PXT1: variants seen among roughly 807,000 people sequenced by gnomAD.
PXT1 encodes the protein peroxisomal testis enriched protein 1.
PXT1 carries 11 observed loss-of-function variants against 11.0 expected under a neutral mutation model. The observed-to-expected ratio is 1.00, with a 90% CI of 0.63 to 1.66. The LOEUF (loss-of-function observed/expected upper bound fraction) is 1.66. PXT1 is among the 40% of genes most tolerant of loss of function. PXT1 has a pLI of 0.00. For synonymous variants in PXT1, 43 were observed against 51.4 expected (o/e 0.84, Z 0.70); for missense variants, 141 against 155.5 (o/e 0.91, Z 0.49).
intron 2 of PXT1, among the ~76,000 whole-genome samples, chr6:36,427,630 A>G (rs911402676): frequency 3.3e-5 from 5 of 152,216 alleles, no homozygotes; most frequent in African/African-American, 1.2e-4. Context: ...ATATATCCCC[A>G]AATAAATCTA....
chr6:36,418,709 G>A (rs571889909), intron 3 of PXT1, among the ~76,000 whole-genome samples: 7 of 152,366 alleles, frequency 4.6e-5, no homozygotes, highest in Non-Finnish European at 1.0e-4. Flanking sequence ...ACCATGGGCA[G>A]CGAGGCTGCA....
intron 2 of PXT1, among the ~76,000 whole-genome samples, chr6:36,430,825 C>T (rs1387574972): frequency 3.3e-5 from 5 of 151,994 alleles, no homozygotes; most frequent in Admixed American, 2.0e-4. Context: ...GACAACGTCT[C>T]GCTCTGTCAC....
chr6:36,403,713 C>CA (rs1365226161), intron 3 of PXT1, among the ~76,000 whole-genome samples: 3 of 152,028 alleles, frequency 2.0e-5, no homozygotes, highest in Admixed American at 1.3e-4. Flanking sequence ...ACCAAAAATA[C>CA]AAAAAATTAG....
intron 4 of PXT1, among the ~76,000 whole-genome samples, chr6:36,395,022 G>C (rs1244745680): frequency 6.6e-6 from 1 of 152,006 alleles, no homozygotes; most frequent in Non-Finnish European, 1.5e-5. Flanking sequence ...AAAAGAGAGA[G>C]AGAGAGACAG....
At chr6:36,403,377 T>C (rs1470771283) in intron 3 of PXT1, among the ~76,000 whole-genome samples, 2 of 152,146 alleles carry the variant, frequency 1.3e-5, no homozygotes, top group Non-Finnish European at 2.9e-5. Context: ...GGAAACAGAT[T>C]ATATATTTAA....
chr6:36,405,513 G>A (rs1278637186), intron 3 of PXT1, among the ~76,000 whole-genome samples: 1 of 152,094 alleles, frequency 6.6e-6, no homozygotes, highest in Non-Finnish European at 1.5e-5. Flanking sequence ...CAAGTGGCTG[G>A]GACTACAGGC....
intron 2 of PXT1, among the ~76,000 whole-genome samples, chr6:36,435,749 T>C (rs1774753259): frequency 6.6e-6 from 1 of 152,078 alleles, no homozygotes; most frequent in Non-Finnish European, 1.5e-5. Flanking sequence ...AAAAAATCAA[T>C]TAAGAACAAA....
At chr6:36,423,371 A>C (rs1327964433) in intron 3 of PXT1, among the ~76,000 whole-genome samples, 2 of 152,286 alleles carry the variant, frequency 1.3e-5, no homozygotes, top group African/African-American at 4.8e-5. Flanking sequence ...ACCAGTGAGA[A>C]CCCCGCTCCC....
intron 4 of PXT1, among the ~76,000 whole-genome samples, chr6:36,394,553 T>A (rs1346757181): frequency 6.6e-6 from 1 of 151,936 alleles, no homozygotes; most frequent in Non-Finnish European, 1.5e-5. Context: ...CTAGACCCGG[T>A]GACAACTCTG....
chr6:36,426,718 G>A (rs1354533693), intron 2 of PXT1, among the ~76,000 whole-genome samples: 1 of 152,050 alleles, frequency 6.6e-6, no homozygotes, highest in Admixed American at 6.5e-5. Flanking sequence ...GTGTAAATTG[G>A]TACACTGAGA....
At chr6:36,429,802 G>T (rs1774666349) in intron 2 of PXT1, among the ~76,000 whole-genome samples, 2 of 151,570 alleles carry the variant, frequency 1.3e-5, no homozygotes, top group Non-Finnish European at 2.9e-5. Flanking sequence ...ACCATGCTGG[G>T]CTAAGTCTTA....
chr6:36,397,429 A>G (rs1011657795), intron 4 of PXT1, among the ~76,000 whole-genome samples: 1 of 152,162 alleles, frequency 6.6e-6, no homozygotes, highest in African/African-American at 2.4e-5. Flanking sequence ...AACAAACAAC[A>G]ACAAAATCCA....
intron 4 of PXT1, 44 bp from the exon 5 acceptor site, chr6:36,391,918 TTTA>T (rs147244815): frequency 0.28 from 291,848 of 1,031,514 alleles, 15,178 homozygotes; most frequent in East Asian, 0.4. Flanking sequence ...TTTTTTTTTT[TTTA>T]AAAGTGATAG....
chr6:36,394,052 C>A (rs1774108107), intron 4 of PXT1, among the ~76,000 whole-genome samples: 1 of 152,216 alleles, frequency 6.6e-6, no homozygotes, highest in Non-Finnish European at 1.5e-5. Flanking sequence ...GGAACTTAGA[C>A]TTTGTCCTGC....
intron 2 of PXT1, among the ~76,000 whole-genome samples, chr6:36,427,834 A>G (rs1296758367): frequency 6.6e-6 from 1 of 152,172 alleles, no homozygotes; most frequent in Non-Finnish European, 1.5e-5. Flanking sequence ...ACTTTACTGG[A>G]CGGCCAGCCA....
At chr6:36,402,045 G>C (rs1364335239) in intron 3 of PXT1, among the ~76,000 whole-genome samples, 1 of 151,568 alleles carries the variant, frequency 6.6e-6, no homozygotes, top group African/African-American at 2.4e-5. Flanking sequence ...TTAAACTCCT[G>C]GGCTCAAGTG....
At chr6:36,412,399 T>C (rs1774387847) in intron 3 of PXT1, among the ~76,000 whole-genome samples, 1 of 149,030 alleles carries the variant, frequency 6.7e-6, no homozygotes, top group Non-Finnish European at 1.5e-5. Context: ...CAGTGGCTCA[T>C]GCCTGTAATC....
intron 3 of PXT1, among the ~76,000 whole-genome samples, chr6:36,416,953 T>C (rs1774457581): frequency 6.6e-6 from 1 of 152,240 alleles, no homozygotes; most frequent in Admixed American, 6.5e-5. Context: ...ATCTTCATCC[T>C]ACAAAATGGG....
intron 3 of PXT1, among the ~76,000 whole-genome samples, chr6:36,424,656 T>TA (rs1056035164): frequency 1.3e-5 from 2 of 150,934 alleles, no homozygotes; most frequent in African/African-American, 4.9e-5. Flanking sequence ...CAAAAACAAA[T>TA]ACAAAAACAG....
Sources: allele counts gnomAD v4.1 joint callset (sites outside exome capture counted in the v4.1 genomes callset), GRCh38; gene constraint gnomAD v4.1.1; transcripts MANE v1.5; gene names NCBI Gene and HGNC (gene_info 2026-07-23, HGNC 2026-07-21).